Variants in ME2 observed in about 807,000 individuals in gnomAD.
The protein encoded by ME2 is malic enzyme 2.
Under a neutral mutation model 73.7 loss-of-function variants are expected in ME2, and 60 were observed. That is an observed-to-expected ratio of 0.81 (90% CI 0.66 to 1.01). The LOEUF (loss-of-function observed/expected upper bound fraction) is 1.01, where lower values mean the gene tolerates loss of function less well. Among genes scored for constraint, ME2 ranks in the 50% least tolerant of loss-of-function variants. The pLI, the probability that ME2 is intolerant of heterozygous loss-of-function variation, is 0.00. For missense variants in ME2, 594 were observed against 705.5 expected, an observed-to-expected ratio of 0.84 and a Z score of 1.79; for synonymous variants, 199 against 236.9, an observed-to-expected ratio of 0.84 and a Z score of 1.47.
At chr18:50,904,347 C>T (rs1464081044) in intron 2 of ME2, among the ~76,000 whole-genome samples, 2 of 150,586 alleles carry the variant, frequency 1.3e-5, no homozygotes. Flanking sequence ...GGTGCAATCT[C>T]GGCTCACTGC....
chr18:50,904,348 G>A (rs1184234689), intron 2 of ME2, among the ~76,000 whole-genome samples: 3 of 149,710 alleles, frequency 2.0e-5, no homozygotes, highest in East Asian at 3.9e-4. Flanking sequence ...GTGCAATCTC[G>A]GCTCACTGCA....
chr18:50,917,586 ATAATT>A, intron 6 of ME2, 78 bp downstream of exon 6: 1 of 1,073,840 alleles, frequency 9.3e-7, no homozygotes, highest in Non-Finnish European at 1.3e-6. Context: ...TTTGAAAATG[ATAATT>A]TAAGAAGGGA....
At chr18:50,906,304 T>C (rs1389204846) in intron 2 of ME2, among the ~76,000 whole-genome samples, 1 of 152,134 alleles carries the variant, frequency 6.6e-6, no homozygotes, top group African/African-American at 2.4e-5. Context: ...TTTAGTGATA[T>C]TTCCAAACTA....
intron 2 of ME2, among the ~76,000 whole-genome samples, chr18:50,896,256 A>G (rs1215351743): frequency 6.6e-6 from 1 of 152,224 alleles, no homozygotes; most frequent in Non-Finnish European, 1.5e-5. Context: ...TCCCCAGCTC[A>G]TATCAGGTAC....
intron 15 of ME2, among the ~76,000 whole-genome samples, chr18:50,943,527 C>T (rs539171585): frequency 1.3e-4 from 20 of 152,286 alleles, no homozygotes; most frequent in African/African-American, 4.6e-4. Context: ...TGGTCTCAAA[C>T]TCCTGAGCTC....
chr18:50,887,832 TGAAAA>T (rs1916509276), intron 1 of ME2, among the ~76,000 whole-genome samples: 1 of 152,170 alleles, frequency 6.6e-6, no homozygotes, highest in East Asian at 1.9e-4. Flanking sequence ...TGAAAGAGAC[TGAAAA>T]TTTATATCCA....
chr18:50,927,252 C>T (rs1484369093), intron 12 of ME2, among the ~76,000 whole-genome samples: 1 of 152,096 alleles, frequency 6.6e-6, no homozygotes, highest in East Asian at 1.9e-4. Context: ...GGCTTGTTTA[C>T]AATGATGTCT....
At chr18:50,946,475 T>C (rs76257201) in intron 15 of ME2, among the ~76,000 whole-genome samples, 5,297 of 152,280 alleles carry the variant, frequency 0.035, 123 homozygotes, top group Admixed American at 0.048. Context: ...GGGGTTCTTG[T>C]CGAGAGTAAA....
chr18:50,928,250 T>A (rs1917610111), intron 12 of ME2, among the ~76,000 whole-genome samples: 1 of 151,912 alleles, frequency 6.6e-6, no homozygotes, highest in African/African-American at 2.4e-5. Context: ...CCTTTTTTTT[T>A]TCTTTTTTTT....
chr18:50,932,331 G>A lies in ME2; in HGVS notation c.1388G>A (p.Gly463Asp). 6.2e-7 allele frequency: 1 copy of A among 1,612,890 alleles called. No homozygotes were observed. Among genetic ancestry groups the A allele is most frequent in the Non-Finnish European group, 8.5e-7 (1 of 1,179,252 alleles). Residue 463 changes from glycine to aspartate, a missense_variant, in exon 13 of 16, where the codon GGT becomes GAT. By Grantham distance (94) the Gly-to-Asp change is moderately conservative. Transcript: ENST00000321341. ...ACAGATGGGCGAGTCTTTACACCAGGTCAAGGAAACAATGTTTATATTTTT... is the reference window on the plus strand; with the variant it reads ...ACAGATGGGCGAGTCTTTACACCAGATCAAGGAAACAATGTTTATATTTTT... Reference protein sequence around the residue: ...KLTDGRVFTPGQGNNVYIFPG... With the variant: ...KLTDGRVFTPDQGNNVYIFPG...
chr18:50,944,489 T>C (rs956642398), intron 15 of ME2, among the ~76,000 whole-genome samples: 9 of 152,196 alleles, frequency 5.9e-5, no homozygotes, highest in Non-Finnish European at 1.2e-4. Flanking sequence ...TTTGGCTCTA[T>C]GAGCAGGGCT....
In ME2 at chr18:50,925,673, A is replaced by G. The variant is rs1917533635; in HGVS notation, c.1172-83A>G. On this transcript the variant is annotated intron_variant, in intron 11 of 15. Transcript: ENST00000321341. The stretch of plus-strand genomic sequence containing the variant: ...ATATTACCTGTGTTTTTATTATTGT[A>G]GGCCTATTGTAGAAATGCTATTGAT... The G allele has an allele frequency of 6.3e-6, 7 of 1,104,698 alleles. No individual in the cohort carries two copies. The South Asian group carries it at 8.3e-5, about 13-fold the overall frequency. 68.4% of individuals were successfully genotyped at this position (1,104,698 alleles called of 1,614,324 possible).
intron 2 of ME2, 124 bp downstream of exon 2, chr18:50,896,052 A>G (rs1916736223): frequency 1.5e-6 from 1 of 657,836 alleles, no homozygotes; most frequent in African/African-American, 1.9e-5. Context: ...ATAGTTGTTT[A>G]CATGAAATTT....
rs370464954 is a variant in ME2, at chr18:50,901,127, A to G, written c.108+5199A>G. ...TAATTTGCCCTTTTAGTGCAATTTC[A>G]TCTCAATTAACACATTTTCAGAAGT... On this transcript the variant is annotated intron_variant, in intron 2 of 15. Transcript: ENST00000321341. Among the ~76,000 whole-genome samples the G allele has an allele frequency of 9.8e-5, 15 of 152,356 alleles. No individual in the cohort carries two copies. In the East Asian group the frequency reaches 1.2e-3, roughly 12 times the overall value.
intron 2 of ME2, among the ~76,000 whole-genome samples, chr18:50,901,869 A>G (rs1302277336): frequency 6.6e-6 from 1 of 152,174 alleles, no homozygotes; most frequent in Non-Finnish European, 1.5e-5. Context: ...ACACCTGAAC[A>G]CTATTGATAT....
chr18:50,894,013 G>C (rs1325793468), intron 1 of ME2, among the ~76,000 whole-genome samples: 6 of 152,142 alleles, frequency 3.9e-5, no homozygotes, highest in Admixed American at 2.0e-4. Context: ...TTTAATATGA[G>C]TGAAACATTC....
chr18:50,934,790 A>G (rs1207532341), intron 13 of ME2: 1 of 152,200 alleles, frequency 6.6e-6, no homozygotes, highest in Non-Finnish European at 1.5e-5. Context: ...TAACAACCGG[A>G]TGAAAATTTT....
intron 1 of ME2, among the ~76,000 whole-genome samples, chr18:50,887,238 A>G (rs1916494201): frequency 6.6e-6 from 1 of 152,194 alleles, no homozygotes; most frequent in African/African-American, 2.4e-5. Context: ...TGCTCTAAAA[A>G]CACAGAGATG....
intron 15 of ME2, among the ~76,000 whole-genome samples, chr18:50,941,247 G>A (rs1917945263): frequency 1.1e-5 from 1 of 87,428 alleles, no homozygotes; most frequent in Admixed American, 1.7e-4. Flanking sequence ...GGCCACAAGA[G>A]CAAAACTCCA....
Sources: allele counts gnomAD v4.1 joint callset (sites outside exome capture counted in the v4.1 genomes callset), GRCh38; gene constraint gnomAD v4.1.1; transcripts MANE v1.5; gene names NCBI Gene and HGNC (gene_info 2026-07-23, HGNC 2026-07-21).